Variants in SMARCC1 observed in about 807,000 individuals in gnomAD.
The protein encoded by SMARCC1 is SWI/SNF complex subunit SMARCC1.
A neutral mutation model predicts 147.4 loss-of-function variants in SMARCC1; 43 were observed. That is an observed-to-expected ratio of 0.29 (90% confidence interval 0.23 to 0.38). The LOEUF (loss-of-function observed/expected upper bound fraction) is 0.38. Ranked by LOEUF, SMARCC1 falls within the 10% of genes least tolerant of loss-of-function variation. SMARCC1 has a pLI of 1.00. For synonymous variants in SMARCC1, 495 were observed against 484.4 expected (o/e 1.02, Z -0.29); for missense variants, 1,119 against 1,381.1 (o/e 0.81, Z 3.01).
rs1421951855 is a variant in SMARCC1, at chr3:47,662,452, A to C, written c.2040T>G (p.Pro680=). 1 of 1,614,206 alleles carries C rather than the reference A, an allele frequency of 6.2e-7. No homozygotes were observed. Among genetic ancestry groups the C allele is most frequent in the South Asian group, 1.1e-5 (1 of 91,074 alleles). Residue 680 remains proline, a synonymous_variant, in exon 20 of 28, where the codon CCT becomes CCG. Transcript: ENST00000254480. The part of the protein sequence containing the change: ...YLENSDASLG[P]LAYQPVPFSQ... ...TGAAGGGGACAGGCTGGTAGGCCAA[A>C]GGCCCAAGGGAAGCATCTGAATTCT...
intron 19 of SMARCC1, among the ~76,000 whole-genome samples, chr3:47,667,056 G>A (rs558302785): frequency 3.3e-5 from 5 of 152,202 alleles, no homozygotes; most frequent in East Asian, 1.9e-4. Context: ...GGTGGCTCAC[G>A]CCTGTAATCC....
chr3:47,747,077 C>T (rs2034572357), intron 2 of SMARCC1, among the ~76,000 whole-genome samples: 1 of 151,888 alleles, frequency 6.6e-6, no homozygotes, highest in African/African-American at 2.4e-5. Flanking sequence ...GAAAGAATCA[C>T]TTGAGGCCAG....
intron 14 of SMARCC1, among the ~76,000 whole-genome samples, chr3:47,682,636 G>A (rs2033668706): frequency 6.6e-6 from 1 of 152,084 alleles, no homozygotes; most frequent in African/African-American, 2.4e-5. Context: ...GAGTTTTAAA[G>A]TTTGTCAATT....
chr3:47,710,551 T>G lies in SMARCC1; in HGVS notation c.918+132A>C, dbSNP rs2034072494. On this transcript the variant is annotated intron_variant, in intron 9 of 27. Transcript: ENST00000254480. Reference sequence around the variant, plus strand: ...CAGCCACTTTGGAATTTTCACCTGATGGCACATCAGCCATCAGGCAGATGT... The same window carrying G: ...CAGCCACTTTGGAATTTTCACCTGAGGGCACATCAGCCATCAGGCAGATGT... 1.1e-5 allele frequency: 9 copies of G among 837,640 alleles called. No homozygotes were observed. In the East Asian group the frequency reaches 2.5e-4, roughly 23 times the overall value. The allele number at this position is 837,640 out of a possible 1,614,324, so 51.9% of individuals were successfully genotyped here. A position where few individuals can be genotyped will look rare whatever the true frequency, so the allele number is the denominator to read the frequency against.
At chr3:47,720,610 T>C in intron 7 of SMARCC1, 56 bp downstream of exon 7, 1 of 1,119,190 alleles carries the variant, frequency 8.9e-7, no homozygotes, top group East Asian at 2.4e-5. Flanking sequence ...TATAAATAAA[T>C]GTGCCTTCCT....
chr3:47,697,220 G>T (rs2033864541), intron 11 of SMARCC1, among the ~76,000 whole-genome samples: 1 of 152,044 alleles, frequency 6.6e-6, no homozygotes, highest in African/African-American at 2.4e-5. Flanking sequence ...ACGAGAGGCT[G>T]AGGTGGGAGT....
intron 26 of SMARCC1, among the ~76,000 whole-genome samples, chr3:47,593,072 C>A (rs2032212035): frequency 6.6e-6 from 1 of 152,010 alleles, no homozygotes; most frequent in Admixed American, 6.6e-5. Flanking sequence ...AGTGATCCAC[C>A]CACCTCAGGC....
chr3:47,623,134 CTTTTTTT>C (rs763911271), intron 24 of SMARCC1, among the ~76,000 whole-genome samples: 4 of 67,466 alleles, frequency 5.9e-5, no homozygotes, highest in African/African-American at 1.2e-4. Flanking sequence ...CTACACAAGG[CTTTTTTT>C]TTTTTTTTTT....
intron 19 of SMARCC1, chr3:47,663,670 A>G: frequency 1.3e-6 from 2 of 1,495,170 alleles, no homozygotes; most frequent in Non-Finnish European, 1.9e-6. Context: ...CGAAGCCCCC[A>G]GTCATTGAGG....
Position 47,706,469 on chromosome 3 carries a change from T to TGAA in SMARCC1, c.979_980insTTC (p.Lys326_His327insLeu). 1 of 1,581,236 alleles carries TGAA rather than the reference T, an allele frequency of 6.3e-7. No individual in the cohort carries two copies. Among genetic ancestry groups the TGAA allele is most frequent in the Non-Finnish European group, 8.6e-7 (1 of 1,167,506 alleles). ...TGTCGGAGGGGGAGGCGAAGGCGAATGTTTCCTCTTTCGAGCATTAGCTGA... is the reference window on the plus strand; with the variant it reads ...TGTCGGAGGGGGAGGCGAAGGCGAATGAAGTTTCCTCTTTCGAGCATTAGCTGA... On this transcript the variant is annotated inframe_insertion, in exon 10 of 28. Coordinates refer to ENST00000254480, the MANE Select transcript of SMARCC1 (RefSeq NM_003074.4).
intron 25 of SMARCC1, among the ~76,000 whole-genome samples, chr3:47,614,087 T>C (rs780915070): frequency 6.6e-6 from 1 of 152,154 alleles, no homozygotes; most frequent in Non-Finnish European, 1.5e-5. Flanking sequence ...AAGTAAATAA[T>C]CACACCTTCC....
At chr3:47,627,034 T>G (rs1334841707) in intron 24 of SMARCC1, among the ~76,000 whole-genome samples, 1 of 152,218 alleles carries the variant, frequency 6.6e-6, no homozygotes, top group East Asian at 1.9e-4. Context: ...AGCTGTTTGG[T>G]GTTAAAATTT....
At chr3:47,766,409 A>C (rs1435195056) in intron 2 of SMARCC1, among the ~76,000 whole-genome samples, 1 of 152,044 alleles carries the variant, frequency 6.6e-6, no homozygotes, top group Non-Finnish European at 1.5e-5. Context: ...CTACAAAAAA[A>C]AAAAACAAAA....
Position 47,662,589 on chromosome 3 carries a change from G to A in SMARCC1, c.1903C>T (p.Leu635=), listed in dbSNP as rs1178154598. ...EQETLLLLEA[L]EMYKDDWNKV... is the part of the protein sequence containing the mutation. ...TTCCAATCATCCTTGTACATCTCCA[G>A]GGCCTAAGACAGAAAAAACAGATGC... Residue 635 remains leucine, a synonymous_variant, in exon 20 of 28, where the codon CTG becomes TTG. Transcript: ENST00000254480. The A allele has an allele frequency of 6.8e-6, 11 of 1,613,772 alleles. No homozygotes were observed. In the Middle Eastern group the frequency reaches 5.0e-4, roughly 73 times the overall value.
intron 2 of SMARCC1, among the ~76,000 whole-genome samples, chr3:47,752,179 G>A (rs906924140): frequency 3.9e-5 from 6 of 152,144 alleles, no homozygotes; most frequent in Non-Finnish European, 7.3e-5. Context: ...GGATTCTTAC[G>A]GCTTGCACAC....
Position 47,661,350 on chromosome 3 carries a change from TAGGTGGGATCCACTTTCCCAG to T in SMARCC1, c.2243_2263del (p.Ser748_Thr754del). 1 of 1,613,986 alleles carries T rather than the reference TAGGTGGGATCCACTTTCCCAG, an allele frequency of 6.2e-7. No homozygotes were observed. The highest frequency in any genetic ancestry group is 8.5e-7 in the Non-Finnish European group (1 of 1,179,946). ...TGCAATGCAGCTGCTCTCCAGACCG[TAGGTGGGATCCACTTTCCCAG>T]AGGCTCGTGCTGCTTCTTGTACTTT... On this transcript the variant is annotated inframe_deletion, in exon 21 of 28. Coordinates refer to ENST00000254480, the MANE Select transcript of SMARCC1 (RefSeq NM_003074.4).
At chr3:47,608,846 CT>C (rs1235412216) in intron 26 of SMARCC1, among the ~76,000 whole-genome samples, 4 of 71,850 alleles carry the variant, frequency 5.6e-5, no homozygotes, top group East Asian at 4.4e-4. Flanking sequence ...GAGACAGTGT[CT>C]TTAAAAAAAA....
At chr3:47,708,144 G>C in intron 9 of SMARCC1, among the ~76,000 whole-genome samples, 1 of 109,186 alleles carries the variant, frequency 9.2e-6, no homozygotes, top group Admixed American at 1.4e-4. Flanking sequence ...CTGACACCCA[G>C]GCTGGAGTGC....
intron 14 of SMARCC1, among the ~76,000 whole-genome samples, chr3:47,685,645 G>C (rs1256463145): frequency 4.0e-5 from 6 of 151,140 alleles, no homozygotes; most frequent in Admixed American, 4.0e-4. Context: ...GGATCACGAG[G>C]TCAGGAGTTC....
Sources: allele counts gnomAD v4.1 joint callset (sites outside exome capture counted in the v4.1 genomes callset), GRCh38; gene constraint gnomAD v4.1.1; transcripts MANE v1.5; gene names NCBI Gene and HGNC (gene_info 2026-07-23, HGNC 2026-07-21).